PLCB2: variants seen among roughly 807,000 people sequenced by gnomAD.
PLCB2 encodes phospholipase C beta 2.
In PLCB2, 115 loss-of-function variants were observed where a neutral mutation model predicts 141.7. The observed-to-expected ratio is 0.81, with a 90% CI of 0.70 to 0.95. The LOEUF (loss-of-function observed/expected upper bound fraction) is 0.95, where lower values mean the gene tolerates loss of function less well. Among genes scored for constraint, PLCB2 ranks in the 40% least tolerant of loss-of-function variants. PLCB2 has a pLI of 0.00. For missense variants in PLCB2, 1,403 were observed against 1,541.1 expected (o/e 0.91, Z 1.50); for synonymous variants, 603 against 595.6 (o/e 1.01, Z -0.18).
At chr15:40,285,376 A>G (rs1301564162), downstream of PLCB2, 1 of 274,716 alleles carries the variant, frequency 3.6e-6, no homozygotes, top group Admixed American at 6.5e-5. Flanking sequence ...CCAAGCCTGC[A>G]TATTCTCAGC....
rs1462333708 is a variant in PLCB2, at chr15:40,296,537, C to T, written c.1584G>A (p.Lys528=). 6 of 1,613,904 alleles carry T rather than the reference C, an allele frequency of 3.7e-6. No individual in the cohort carries two copies. Among genetic ancestry groups the T allele is most frequent in the Non-Finnish European group, 5.1e-6 (6 of 1,179,954 alleles). The change falls in exon 15 of 32, where the codon AAG becomes AAA. Residue 528 remains lysine, a synonymous_variant. Coordinates refer to ENST00000260402, the MANE Select transcript of PLCB2 (RefSeq NM_004573.3). ...CCCCACACACCTCATCCGACTGCATCTTCTTAATCTCTTCTTCATCCAGGT... is the reference window on the plus strand; with the variant it reads ...CCCCACACACCTCATCCGACTGCATTTTCTTAATCTCTTCTTCATCCAGGT... ...SGNLDEEEIK[K]MQSDEGTAGL...
At chr15:40,303,772 T>A in intron 2 of PLCB2, 1 of 528,356 alleles carries the variant, frequency 1.9e-6, no homozygotes, top group South Asian at 2.5e-5. Context: ...TCTCTCTCTC[T>A]CCCCAAGGGA....
In PLCB2 at chr15:40,293,036, T is replaced by G. The variant is rs372453290; in HGVS notation, c.2227-11A>C. 1.0e-5 allele frequency: 16 copies of G among 1,561,086 alleles called. No individual in the cohort carries two copies. The highest frequency in any genetic ancestry group is 1.4e-5 in the Non-Finnish European group (16 of 1,145,198). On this transcript the variant is annotated splice_polypyrimidine_tract_variant and intron_variant, in intron 20 of 31. Transcript: ENST00000260402. ...CTCAGGCATCAAGATCTGGGGAGAG[T>G]TGGGGACATGACAGGCTGGGAGGGG...
Position 40,296,512 on chromosome 15 carries a change from C to G in PLCB2, c.1599+10G>C. Reference sequence around the variant, plus strand: ...ATGACACAGAGGGGCCTGGGGCTACCCCCACACACCTCATCCGACTGCATC... The same window carrying G: ...ATGACACAGAGGGGCCTGGGGCTACGCCCACACACCTCATCCGACTGCATC... On this transcript the variant is annotated intron_variant, in intron 15 of 31. Transcript: ENST00000260402. 2 of 1,613,944 alleles carry G rather than the reference C, an allele frequency of 1.2e-6. No individual in the cohort carries two copies. The highest frequency in any genetic ancestry group is 1.1e-5 in the South Asian group (1 of 91,070).
rs976800392 is a variant in PLCB2 at position 40,288,023 on chromosome 15, T to C, written c.*692A>G. On this transcript the variant is annotated 3_prime_UTR_variant, in exon 32 of 32. Coordinates refer to ENST00000260402, the MANE Select transcript of PLCB2 (RefSeq NM_004573.3). ...AGGCAGGCAGCCTGAGAGGGGTACATGGTAGGAACTGCCTGCCCCCAGGCC... is the reference window on the plus strand; with the variant it reads ...AGGCAGGCAGCCTGAGAGGGGTACACGGTAGGAACTGCCTGCCCCCAGGCC... 24 of 985,160 alleles carry C rather than the reference T, an allele frequency of 2.4e-5. 1 individual carries two copies. In the Admixed American group the frequency reaches 3.7e-4, roughly 15 times the overall value. The allele number at this position is 985,160 out of a possible 1,614,324, so 61.0% of individuals were successfully genotyped here.
chr15:40,291,422 G>A lies in PLCB2; in HGVS notation c.2713C>T (p.His905Tyr). The A allele has an allele frequency of 6.5e-7, 1 of 1,539,172 alleles. No individual in the cohort carries two copies. The highest frequency in any genetic ancestry group is 8.7e-7 in the Non-Finnish European group (1 of 1,147,892). Residue 905 changes from histidine (H) to tyrosine (Y), a missense_variant, in exon 26 of 32, where the codon CAC becomes TAC. Transcript: ENST00000260402. ...TCCAACTCTCGCAGCTCCTTCTCGT[G>A]CCGCCGCTGCAGCTTCACCACGCCC... ...LKGVVKLQRRHEKELRELERR... is the reference protein window; with the variant it reads ...LKGVVKLQRRYEKELRELERR...
rs75753631 is a variant in PLCB2, at chr15:40,297,328, G to A, written c.1323+193C>T. The stretch of plus-strand genomic sequence containing the variant: ...GGTAATACACCTGAGGGCAGTGACT[G>A]TGTCTTTGTCACTAGCATACCCTGA... On this transcript the variant is annotated intron_variant, in intron 13 of 31. Transcript: ENST00000260402. The surrounding 1 kb of genome is among the most constrained non-coding windows in gnomAD (Gnocchi z 4.2). 1.7e-4 allele frequency among the ~76,000 whole-genome samples: 26 copies of A among 151,790 alleles called. No homozygotes were observed. The highest frequency in any genetic ancestry group is 3.9e-4 in the East Asian group (2 of 5,124).
At position 40,293,043 on chromosome 15, in the gene PLCB2, C is replaced by A; in HGVS notation, c.2227-18G>T. 6.5e-7 allele frequency: 1 copy of A among 1,527,456 alleles called. No individual in the cohort carries two copies. Among genetic ancestry groups the A allele is most frequent in the Non-Finnish European group, 9.0e-7 (1 of 1,116,798 alleles). 94.6% of individuals were successfully genotyped at this position (1,527,456 alleles called of 1,614,324 possible). A position where few individuals can be genotyped will look rare whatever the true frequency, so the allele number is the denominator to read the frequency against. Reference sequence around the variant, plus strand: ...ATCAAGATCTGGGGAGAGTTGGGGACATGACAGGCTGGGAGGGGAGAGAGG... The same window carrying A: ...ATCAAGATCTGGGGAGAGTTGGGGAAATGACAGGCTGGGAGGGGAGAGAGG... On this transcript the variant is annotated intron_variant, in intron 20 of 31. Transcript: ENST00000260402.
chr15:40,296,554 C>T lies in PLCB2; in HGVS notation c.1567G>A (p.Glu523Lys), dbSNP rs760458157. 3.1e-6 allele frequency: 5 copies of T among 1,613,912 alleles called. No individual in the cohort carries two copies. In the East Asian group the frequency reaches 8.9e-5, roughly 29 times the overall value. Residue 523 changes from glutamate to lysine, a missense_variant, in exon 15 of 32, where the codon GAA (glutamate) becomes AAA (lysine). Glu to Lys is a moderately conservative substitution (Grantham distance 56). Around this residue, in one of 4 missense-constraint regions of PLCB2, gnomAD observed 975 missense variants for 1,141.1 expected, o/e 0.85. Transcript: ENST00000260402. ...EEEEESGNLD[E>K]EEIKKMQSDE... is the part of the protein sequence containing the mutation. ...GACTGCATCTTCTTAATCTCTTCTT[C>T]ATCCAGGTTTCCTGACTCCTCCTCC...
rs1424929480 is a variant in PLCB2, at chr15:40,296,525, A to G, written c.1596T>C (p.Asp532=). The change falls in exon 15 of 32, where the codon GAT becomes GAC. Residue 532 remains aspartate, a synonymous_variant. Coordinates refer to ENST00000260402, the MANE Select transcript of PLCB2 (RefSeq NM_004573.3). The stretch of plus-strand genomic sequence containing the variant: ...GCCTGGGGCTACCCCCACACACCTC[A>G]TCCGACTGCATCTTCTTAATCTCTT... The part of the protein sequence containing the change: ...DEEEIKKMQS[D]EGTAGLEVTA... 1 of 1,613,924 alleles carries G rather than the reference A, an allele frequency of 6.2e-7. No individual in the cohort carries two copies. Among genetic ancestry groups the G allele is most frequent in the Non-Finnish European group, 8.5e-7 (1 of 1,179,968 alleles).
At position 40,297,872 on chromosome 15, in the gene PLCB2, C is replaced by T. The variant is rs760409056; in HGVS notation, c.1238+5G>A. On this transcript the variant is annotated splice_donor_5th_base_variant and intron_variant, in intron 12 of 31. Coordinates refer to ENST00000260402, the MANE Select transcript of PLCB2 (RefSeq NM_004573.3). This position sits in a 1 kb window ranked among gnomAD's most constrained non-coding sequence, Gnocchi z 4.2. Reference sequence around the variant, plus strand: ...GAATGTGGCTGAATGGGCCTGGATACGCACGAGTCCACATGGTTCTCAAAC... The same window carrying T: ...GAATGTGGCTGAATGGGCCTGGATATGCACGAGTCCACATGGTTCTCAAAC... 4 of 1,610,176 alleles carry T rather than the reference C, an allele frequency of 2.5e-6. No homozygotes were observed. Among genetic ancestry groups the T allele is most frequent in the Admixed American group, 1.7e-5 (1 of 59,986 alleles).
intron 11 of PLCB2, 129 bp downstream of exon 11, chr15:40,298,094 G>T: frequency 8.4e-7 from 1 of 1,195,524 alleles, no homozygotes; most frequent in Non-Finnish European, 1.2e-6. Flanking sequence ...AATCCCTGCT[G>T]GTCCCCAATG....
downstream of PLCB2, chr15:40,286,207 C>G (rs1011830466): frequency 5.4e-5 from 10 of 186,064 alleles, 1 homozygote; most frequent in Non-Finnish European, 9.1e-5. Flanking sequence ...CCCAGGCAGG[C>G]AGGGGGCAGG....
At chr15:40,301,020 A>T (rs556545535) in intron 7 of PLCB2, 1 of 153,324 alleles carries the variant, frequency 6.5e-6, no homozygotes, top group South Asian at 2.1e-4. Context: ...GGGAGGGTGG[A>T]TGTGTGCTGA....
At position 40,289,261 on chromosome 15, in the gene PLCB2, G is replaced by A. The variant is rs1186236019; in HGVS notation, c.3354+11C>T. 1 of 1,609,542 alleles carries A rather than the reference G, an allele frequency of 6.2e-7. No homozygotes were observed. The highest frequency in any genetic ancestry group is 1.7e-5 in the Admixed American group (1 of 60,026). ...CAGTTCTGCTGGGGGTCCCAGTAGT[G>A]AACCTGTTACCTGCTTTTCCATCTC... On this transcript the variant is annotated intron_variant, in intron 31 of 31. Transcript: ENST00000260402.
intron 25 of PLCB2, 27 bp downstream of exon 25, chr15:40,291,579 G>A (rs2039931603): frequency 6.2e-7 from 1 of 1,612,706 alleles, no homozygotes; most frequent in Non-Finnish European, 8.5e-7. Flanking sequence ...GCTCATCCCC[G>A]AGATCACCGG....
rs1168798621 is a variant in PLCB2 at position 40,291,923 on chromosome 15, TTC to T, written c.2527-1_2527del. 1 of 1,614,122 alleles carries T rather than the reference TTC, an allele frequency of 6.2e-7. No individual in the cohort carries two copies. Among genetic ancestry groups the T allele is most frequent in the Non-Finnish European group, 8.5e-7 (1 of 1,179,990 alleles). ...AACTGGACTCGCCAGTGGGAAGGGC[TTC>T]TGTGTAGGGAGAGCAGGTCAGGAAG... On this transcript the variant is annotated splice_acceptor_variant and coding_sequence_variant, in exon 24 of 32. Coordinates refer to ENST00000260402, the MANE Select transcript of PLCB2 (RefSeq NM_004573.3). LOFTEE classifies it high-confidence loss of function.
rs1163631362 is a variant in PLCB2 at position 40,291,113 on chromosome 15, G to T, written c.2941C>A (p.Arg981=). 1 of 1,580,616 alleles carries T rather than the reference G, an allele frequency of 6.3e-7. No individual in the cohort carries two copies. The highest frequency in any genetic ancestry group is 1.3e-5 in the African/African-American group (1 of 74,536). ...AGCTCCAGCCTGTCTTTCAGCTCCC[G>T]CACGCGCCCGTCCACGCCCTCAGGG... The part of the protein sequence containing the change: ...EGPEGVDGRV[R]ELKDRLELEL... The change falls in exon 27 of 32, where the codon CGG becomes AGG. Residue 981 remains arginine (R), a synonymous_variant. Transcript: ENST00000260402.
Position 40,291,855 on chromosome 15 carries a change from A to G in PLCB2, c.2596T>C (p.Ser866Pro), listed in dbSNP as rs771226053. 1 of 1,614,092 alleles carries G rather than the reference A, an allele frequency of 6.2e-7. No individual in the cohort carries two copies. Among genetic ancestry groups the G allele is most frequent in the South Asian group, 1.1e-5 (1 of 91,090 alleles). Residue 866 changes from serine (S) to proline (P), a missense_variant, in exon 24 of 32, where the codon TCA becomes CCA. By Grantham distance (74) the Ser-to-Pro change is moderately conservative. Transcript: ENST00000260402. Reference protein sequence around the residue: ...NGALAPTSNGSPAARAGAREE... With the variant: ...NGALAPTSNGPPAARAGAREE... ...TGCGGACCGAAGCTCATACCTGGTG[A>G]CCCATTGCTCGTTGGGGCCAACGCC...
Sources: gnomAD v4.1 joint callset for allele counts (sites outside exome capture counted in the v4.1 genomes callset) on GRCh38, gnomAD v4.1.1 for gene constraint, gnomAD v4.1.1 regional missense constraint, Gnocchi (gnomAD v3.1) non-coding constraint, MANE v1.5 for transcripts, NCBI Gene and HGNC (gene_info 2026-07-23, HGNC 2026-07-21) for gene names.